The following PCDHGA3 variants were observed in gnomAD, a reference collection of about 807,000 sequenced individuals.
PCDHGA3 encodes the protein protocadherin gamma-A3.
PCDHGA3 carries 40 observed loss-of-function variants against 58.5 expected under a neutral mutation model. That is an observed-to-expected ratio of 0.68 (90% confidence interval 0.53 to 0.89). The LOEUF is 0.89. Among genes scored for constraint, PCDHGA3 ranks in the 40% least tolerant of loss-of-function variants. The pLI is 0.00. For missense variants in PCDHGA3, 1,223 were observed against 1,195.9 expected (o/e 1.02, Z -0.33); for synonymous variants, 530 against 525.7 (o/e 1.01, Z -0.11).
chr5:141,396,538 T>C (rs1352031358), intron 1 of PCDHGA3: 1 of 151,514 alleles, frequency 6.6e-6, no homozygotes, highest in Non-Finnish European at 1.5e-5. Flanking sequence ...AAGAATCACT[T>C]GAACCCGGGA....
At chr5:141,478,417 C>G in intron 1 of PCDHGA3, 1 of 1,613,652 alleles carries the variant, frequency 6.2e-7, no homozygotes, top group Non-Finnish European at 8.5e-7. Context: ...CGGACTCCCG[C>G]CGCAGCGACC....
At position 141,356,765 on chromosome 5, in the gene PCDHGA3, A is replaced by C. The variant is rs1019076807; in HGVS notation, c.2424+10308A>C. The C allele has an allele frequency of 3.1e-6, 5 of 1,613,848 alleles. No homozygotes were observed. The African/African-American group carries it at 6.7e-5, about 22-fold the overall frequency. On this transcript the variant is annotated intron_variant, in intron 1 of 3. Transcript: ENST00000253812. The stretch of plus-strand genomic sequence containing the variant: ...CTATATGCTCTTTGCTCCTTCGACT[A>C]TGAGCAGTTTAGAGACCTGCAGCTG...
intron 1 of PCDHGA3, chr5:141,360,398 A>G (rs1171343282): frequency 2.5e-6 from 4 of 1,613,808 alleles, no homozygotes; most frequent in Non-Finnish European, 3.4e-6. Flanking sequence ...CTTGTGAGTG[A>G]CAGAATAGAC....
chr5:141,356,683 A>G, intron 1 of PCDHGA3: 1 of 1,613,916 alleles, frequency 6.2e-7, no homozygotes, highest in Non-Finnish European at 8.5e-7. Flanking sequence ...GGCCGAAGAC[A>G]CCTTCCAGGG....
At position 141,383,836 on chromosome 5, in the gene PCDHGA3, G is replaced by T. The variant is rs753167153; in HGVS notation, c.2424+37379G>T. On this transcript the variant is annotated intron_variant, in intron 1 of 3. Coordinates refer to ENST00000253812, the MANE Select transcript of PCDHGA3 (RefSeq NM_018916.4). ...AGAAGGATTAGATTATGAAGAAACT[G>T]CCTTCTATGAAATGGAGGTTCAGGC... 7 of 1,613,756 alleles carry T rather than the reference G, an allele frequency of 4.3e-6. No individual in the cohort carries two copies. The South Asian group carries it at 5.5e-5, about 13-fold the overall frequency.
Position 141,365,063 on chromosome 5 carries a change from T to C in PCDHGA3, c.2424+18606T>C, listed in dbSNP as rs757924486. On this transcript the variant is annotated intron_variant, in intron 1 of 3. Coordinates refer to ENST00000253812, the MANE Select transcript of PCDHGA3 (RefSeq NM_018916.4). ...CGACAATGCGCCCCTGTTCACCCCATCCGAGTACAGCGTGAGTGTTCCAGA... is the reference window on the plus strand; with the variant it reads ...CGACAATGCGCCCCTGTTCACCCCACCCGAGTACAGCGTGAGTGTTCCAGA... The C allele has an allele frequency of 6.8e-6, 11 of 1,613,692 alleles. No homozygotes were observed. Among genetic ancestry groups the C allele is most frequent in the Non-Finnish European group, 9.3e-6 (11 of 1,179,886 alleles).
intron 1 of PCDHGA3, among the ~76,000 whole-genome samples, chr5:141,359,356 A>G (rs1412522225): frequency 1.3e-5 from 2 of 152,160 alleles, no homozygotes; most frequent in Non-Finnish European, 2.9e-5. Flanking sequence ...CATGTTTTAA[A>G]GGCCTAGGAA....
At chr5:141,419,464 C>T (rs199965876) in intron 1 of PCDHGA3, 35 of 1,612,542 alleles carry the variant, frequency 2.2e-5, no homozygotes, top group Middle Eastern at 1.7e-4. Context: ...TGCAGGCCCG[C>T]GACCAGGGCT....
At chr5:141,430,781 C>T (rs559701152) in intron 1 of PCDHGA3, 6 of 1,510,922 alleles carry the variant, frequency 4.0e-6, no homozygotes, top group South Asian at 2.7e-5. Context: ...GCGACTGCAC[C>T]GGGACTACAA....
rs548263490 is a variant in PCDHGA3, at chr5:141,390,417, A to G, written c.2424+43960A>G. On this transcript the variant is annotated intron_variant, in intron 1 of 3. Transcript: ENST00000253812. ...CATTTTAGGAAAGTTGTAGTCAGTT[A>G]AAAAGCTGTCATATCATTCTACAAA... 4 of 1,127,796 alleles carry G rather than the reference A, an allele frequency of 3.5e-6. No homozygotes were observed. The South Asian group carries it at 4.8e-5, about 13-fold the overall frequency. 69.9% of individuals were successfully genotyped at this position (1,127,796 alleles called of 1,614,324 possible). A position where few individuals can be genotyped will look rare whatever the true frequency, so the allele number is the denominator to read the frequency against.
At position 141,491,137 on chromosome 5, in the gene PCDHGA3, GC is replaced by G. The variant is rs1373404184; in HGVS notation, c.2425-3668del. ...CACTGGTGAGGTGCGCACAGCCCGG[GC>G]CTTACTGGAGGATGACTCTGACACC... On this transcript the variant is annotated intron_variant, in intron 1 of 3. Transcript: ENST00000253812. This position sits in a 1 kb window ranked among gnomAD's most constrained non-coding sequence, Gnocchi z 6.9. The G allele has an allele frequency of 1.2e-6, 2 of 1,614,156 alleles. No individual in the cohort carries two copies. Among genetic ancestry groups the G allele is most frequent in the Non-Finnish European group, 1.7e-6 (2 of 1,180,008 alleles).
intron 1 of PCDHGA3, chr5:141,408,411 C>T (rs2095101928): frequency 1.2e-6 from 2 of 1,614,034 alleles, no homozygotes; most frequent in African/African-American, 1.3e-5. Context: ...CGAGTGAGCG[C>T]GGAGAAGCTG....
chr5:141,354,288 AAAC>A, intron 1 of PCDHGA3, among the ~76,000 whole-genome samples: 1 of 152,310 alleles, frequency 6.6e-6, no homozygotes, highest in East Asian at 1.9e-4. Context: ...GTCATTCATG[AAAC>A]ATTGAAAGGT....
chr5:141,393,979 AT>A (rs2092890598), intron 1 of PCDHGA3: 1 of 1,613,732 alleles, frequency 6.2e-7, no homozygotes, highest in South Asian at 1.1e-5. Context: ...ACACGTGATA[AT>A]TTACCTTTTA....
chr5:141,377,157 T>C (rs1773738723), intron 1 of PCDHGA3: 1 of 152,278 alleles, frequency 6.6e-6, no homozygotes, highest in South Asian at 2.1e-4. Context: ...GTCCTAGTTT[T>C]TCTTTACCTT....
chr5:141,350,635 C>A (rs1452091095), intron 1 of PCDHGA3: 2 of 1,614,020 alleles, frequency 1.2e-6, no homozygotes, highest in Non-Finnish European at 1.7e-6. Context: ...ATATTAATGA[C>A]AATGCACCAC....
intron 1 of PCDHGA3, chr5:141,418,648 A>G (rs1387887578): frequency 1.2e-6 from 2 of 1,614,036 alleles, no homozygotes; most frequent in Non-Finnish European, 1.7e-6. Flanking sequence ...CCATCCTGAG[A>G]GTGAAGGCCA....
At chr5:141,430,846 C>A in intron 1 of PCDHGA3, 1 of 1,576,344 alleles carries the variant, frequency 6.3e-7, no homozygotes, top group South Asian at 1.2e-5. Context: ...CCGGATGCAC[C>A]CAGATACGCT....
chr5:141,497,414 C>A (rs1021294577), intron 2 of PCDHGA3, among the ~76,000 whole-genome samples: 34 of 152,066 alleles, frequency 2.2e-4, no homozygotes, highest in Admixed American at 2.0e-3. Flanking sequence ...CCCATTCCAT[C>A]AAATGAGAGG....
Sources: gnomAD v4.1 joint callset for allele counts (sites outside exome capture counted in the v4.1 genomes callset) on GRCh38, gnomAD v4.1.1 for gene constraint, Gnocchi (gnomAD v3.1) non-coding constraint, MANE v1.5 for transcripts, NCBI Gene and HGNC (gene_info 2026-07-23, HGNC 2026-07-21) for gene names.